The following TTF2 variants were observed in gnomAD, a reference collection of about 807,000 sequenced individuals.
TTF2 encodes transcription termination factor 2, also known as RNA polymerase II termination factor.
In TTF2, 108 loss-of-function variants were observed where a neutral mutation model predicts 142.4. That is an observed-to-expected ratio of 0.76 (90% CI 0.65 to 0.89). The LOEUF (loss-of-function observed/expected upper bound fraction) is 0.89. Among genes scored for constraint, TTF2 ranks in the 40% least tolerant of loss-of-function variants. TTF2 has a pLI of 0.00. For synonymous variants in TTF2, 483 were observed against 506.2 expected, an observed-to-expected ratio of 0.95 and a Z score of 0.61; for missense variants, 1,327 against 1,379.8, an observed-to-expected ratio of 0.96 and a Z score of 0.61.
chr1:117,071,417 G>A (rs1317642213), intron 3 of TTF2, among the ~76,000 whole-genome samples: 1 of 152,184 alleles, frequency 6.6e-6, no homozygotes, highest in Non-Finnish European at 1.5e-5. Context: ...GTATTCAGCA[G>A]TATGTATGTT....
rs180774192 is a variant in TTF2, at chr1:117,100,531, G to A, written c.3345-849G>A. On this transcript the variant is annotated intron_variant, in intron 22 of 22. Transcript: ENST00000369466. This position sits in a 1 kb window ranked among gnomAD's most constrained non-coding sequence, Gnocchi z 4.6. ...CTTAGCATGACATGCACCACCACCC[G>A]TGATCTGGCCCTACCAGCCTCTTGA... is the stretch of plus-strand genomic sequence containing the variant. Among the ~76,000 whole-genome samples, 6 of 152,228 alleles carry A rather than the reference G, an allele frequency of 3.9e-5. No individual in the cohort carries two copies. Among genetic ancestry groups the A allele is most frequent in the African/African-American group, 1.2e-4 (5 of 41,534 alleles).
chr1:117,080,380 C>T lies in TTF2; in HGVS notation c.1783+731C>T, dbSNP rs770751099. Among the ~76,000 whole-genome samples the T allele has an allele frequency of 1.3e-5, 2 of 152,228 alleles. No individual in the cohort carries two copies. The highest frequency in any genetic ancestry group is 2.9e-5 in the Non-Finnish European group (2 of 68,020). Reference sequence around the variant, plus strand: ...AAGTGCTAGAGGCAACCAGTGCCACCCCAAAGTCAGTTGTTTCTATAGCCA... The same window carrying T: ...AAGTGCTAGAGGCAACCAGTGCCACTCCAAAGTCAGTTGTTTCTATAGCCA... On this transcript the variant is annotated intron_variant, in intron 9 of 22. Coordinates refer to ENST00000369466, the MANE Select transcript of TTF2 (RefSeq NM_003594.4). This position sits in a 1 kb window ranked among gnomAD's most constrained non-coding sequence, Gnocchi z 4.3.
In TTF2 at chr1:117,093,319, A is replaced by G. The variant is rs1022854105; in HGVS notation, c.2976+418A>G. On this transcript the variant is annotated intron_variant, in intron 18 of 22. Coordinates refer to ENST00000369466, the MANE Select transcript of TTF2 (RefSeq NM_003594.4). This position sits in a 1 kb window ranked among gnomAD's most constrained non-coding sequence, Gnocchi z 4.5. Reference sequence around the variant, plus strand: ...TGCTCTGACTTTGAAAGGCTTCCACATGTGAGTAGTGTTTCCTACATAGCC... The same window carrying G: ...TGCTCTGACTTTGAAAGGCTTCCACGTGTGAGTAGTGTTTCCTACATAGCC... Among the ~76,000 whole-genome samples, 3 of 152,204 alleles carry G rather than the reference A, an allele frequency of 2.0e-5. No homozygotes were observed. Among genetic ancestry groups the G allele is most frequent in the South Asian group, 4.1e-4 (2 of 4,832 alleles).
chr1:117,075,596 G>A lies in TTF2; in HGVS notation c.1012G>A (p.Gly338Arg), dbSNP rs749852274. The stretch of plus-strand genomic sequence containing the variant: ...GGCTCAGGCTGCACCAGCAGCACCA[G>A]GGCTTTCCCTGGGTGAGGGCCGTGA... ...PAAQAAPAAP[G>R]LSLGEGREAA... Residue 338 changes from glycine (G) to arginine (R), a missense_variant, in exon 5 of 23, where the codon GGG (glycine) becomes AGG (arginine). Physicochemically the swap from Gly to Arg is moderately radical, Grantham distance 125. Transcript: ENST00000369466. This position sits in a 1 kb window ranked among gnomAD's most constrained non-coding sequence, Gnocchi z 4.5. 1 of 1,614,174 alleles carries A rather than the reference G, an allele frequency of 6.2e-7. No individual in the cohort carries two copies. The highest frequency in any genetic ancestry group is 1.1e-5 in the South Asian group (1 of 91,082).
chr1:117,071,650 CTTAT>C (rs908248266), intron 3 of TTF2, among the ~76,000 whole-genome samples: 12 of 151,920 alleles, frequency 7.9e-5, no homozygotes, highest in Admixed American at 3.3e-4. Flanking sequence ...TTTTAAAGCT[CTTAT>C]TTAATCAATT....
chr1:117,077,961 G>A lies in TTF2; in HGVS notation c.1619G>A (p.Ser540Asn). Residue 540 changes from serine (S) to asparagine (N), a missense_variant, in exon 8 of 23, where the codon AGT becomes AAT. By Grantham distance (46) the Ser-to-Asn change is conservative. Coordinates refer to ENST00000369466, the MANE Select transcript of TTF2 (RefSeq NM_003594.4). Reference protein sequence around the residue: ...DHVHAVWKITSEAIGQLHRSL... With the variant: ...DHVHAVWKITNEAIGQLHRSL... ...GTTCATGCAGTGTGGAAAATCACAA[G>A]TGAAGCCATCGGTCAACTGCATCGC... 2 of 1,614,182 alleles carry A rather than the reference G, an allele frequency of 1.2e-6. No individual in the cohort carries two copies. Among genetic ancestry groups the A allele is most frequent in the South Asian group, 1.1e-5 (1 of 91,070 alleles).
chr1:117,073,635 A>C lies in TTF2; in HGVS notation c.219-26A>C. On this transcript the variant is annotated intron_variant, in intron 3 of 22. Transcript: ENST00000369466. The surrounding 1 kb of genome is among the most constrained non-coding windows in gnomAD (Gnocchi z 4.4). ...GTTCTAATGGATTTTCATAGCCTTG[A>C]TTATTTGTGTTTTATACTTCATTAG... 6.3e-7 allele frequency: 1 copy of C among 1,584,712 alleles called. No individual in the cohort carries two copies. Among genetic ancestry groups the C allele is most frequent in the Non-Finnish European group, 8.6e-7 (1 of 1,158,150 alleles).
Position 117,061,245 on chromosome 1 carries a change from G to T in TTF2, c.131+688G>T, listed in dbSNP as rs144201707. 8.7e-3 allele frequency among the ~76,000 whole-genome samples: 1,317 copies of T among 151,492 alleles called. 14 individuals carry two copies. Among genetic ancestry groups the T allele is most frequent in the African/African-American group, 0.031 (1,257 of 41,098 alleles). On this transcript the variant is annotated intron_variant, in intron 2 of 22. Coordinates refer to ENST00000369466, the MANE Select transcript of TTF2 (RefSeq NM_003594.4). ...TCTCTACGAAAAATTAAAAAAAATT[G>T]TCTAGGCATGGTATCACACGCCTGT...
At position 117,080,018 on chromosome 1, in the gene TTF2, T is replaced by C. The variant is rs1471398107; in HGVS notation, c.1783+369T>C. ...GTCTATTGCCTCCCTCTTTTTTTTT[T>C]TTTTTTTTGAGATGGAGTTTCGCTC... On this transcript the variant is annotated intron_variant, in intron 9 of 22. Transcript: ENST00000369466. The surrounding 1 kb of genome is among the most constrained non-coding windows in gnomAD (Gnocchi z 4.3). Among the ~76,000 whole-genome samples the C allele has an allele frequency of 6.6e-6, 1 of 151,668 alleles. No homozygotes were observed. Among genetic ancestry groups the C allele is most frequent in the Non-Finnish European group, 1.5e-5 (1 of 67,852 alleles).
intron 8 of TTF2, among the ~76,000 whole-genome samples, chr1:117,078,964 G>C (rs1393450556): frequency 6.6e-6 from 1 of 152,216 alleles, no homozygotes; most frequent in African/African-American, 2.4e-5. Context: ...AGAGAGCTGG[G>C]CATAGTGGCT....
At chr1:117,077,123 C>A (rs531860713) in intron 7 of TTF2, among the ~76,000 whole-genome samples, 1 of 151,530 alleles carries the variant, frequency 6.6e-6, no homozygotes, top group Non-Finnish European at 1.5e-5. Flanking sequence ...AAAAAAAAAG[C>A]CAAAACATAG....
chr1:117,090,093 G>C lies in TTF2; in HGVS notation c.2381G>C (p.Trp794Ser). The C allele has an allele frequency of 1.9e-6, 3 of 1,614,068 alleles. No homozygotes were observed. Among genetic ancestry groups the C allele is most frequent in the Non-Finnish European group, 2.5e-6 (3 of 1,179,956 alleles). The change falls in exon 14 of 23, where the codon TGG becomes TCG. Residue 794 changes from tryptophan to serine, a missense_variant. Coordinates refer to ENST00000369466, the MANE Select transcript of TTF2 (RefSeq NM_003594.4). The surrounding 1 kb of genome is among the most constrained non-coding windows in gnomAD (Gnocchi z 4.8). ...RCSPFDEFNL[W>S]RSQVDNGSKK... ...TCTCCATTTGATGAGTTCAATCTGT[G>C]GAGGAGTCAGGTTGACAATGGCTCA...
rs1648481364 is a variant in TTF2 at position 117,090,593 on chromosome 1, CTG to C, written c.2560_2561del (p.Val854LeufsTer20). 1 of 1,613,932 alleles carries C rather than the reference CTG, an allele frequency of 6.2e-7. No individual in the cohort carries two copies. The highest frequency in any genetic ancestry group is 8.5e-7 in the Non-Finnish European group (1 of 1,179,966). ...TTAAAGCTTTCTGAAGATGAAGAGA[CTG>C]TTTACAATGTGTTTTTTGCAAGATC... On this transcript the variant is annotated frameshift_variant, in exon 15 of 23. Coordinates refer to ENST00000369466, the MANE Select transcript of TTF2 (RefSeq NM_003594.4). LOFTEE classifies it high-confidence loss of function. The surrounding 1 kb of genome is among the most constrained non-coding windows in gnomAD (Gnocchi z 4.8).
intron 15 of TTF2, 89 bp from the exon 16 acceptor site, chr1:117,091,239 A>T: frequency 9.5e-7 from 1 of 1,057,190 alleles, no homozygotes; most frequent in Non-Finnish European, 1.3e-6. Flanking sequence ...CAAGTCTTCT[A>T]TAATTTGTCA....
intron 20 of TTF2, 61 bp downstream of exon 20, chr1:117,096,360 C>G: frequency 6.4e-7 from 1 of 1,565,748 alleles, no homozygotes; most frequent in Non-Finnish European, 8.7e-7. Flanking sequence ...AAAGAGAATT[C>G]TTTTTGTTTG....
Position 117,101,593 on chromosome 1 carries a change from A to G in TTF2, c.*69A>G. ...TATTAGGATCTGGGAATAACAACCT[A>G]ACCATGAGCCTTGAACTCTGTTCTT... On this transcript the variant is annotated 3_prime_UTR_variant, in exon 23 of 23. Transcript: ENST00000369466. This position sits in a 1 kb window ranked among gnomAD's most constrained non-coding sequence, Gnocchi z 5.9. 1 of 1,437,184 alleles carries G rather than the reference A, an allele frequency of 7.0e-7. No homozygotes were observed. The highest frequency in any genetic ancestry group is 1.6e-5 in the South Asian group (1 of 61,972). 89.0% of individuals were successfully genotyped at this position (1,437,184 alleles called of 1,614,324 possible).
At chr1:117,062,112 G>T (rs778298115) in intron 2 of TTF2, among the ~76,000 whole-genome samples, 4 of 152,136 alleles carry the variant, frequency 2.6e-5, no homozygotes, top group Non-Finnish European at 5.9e-5. Context: ...TTCGTAGGGG[G>T]ATCCCAGTGT....
rs529281125 is a variant in TTF2 at position 117,105,710 on chromosome 1, G to A, written c.*4186G>A. 34 of 152,146 alleles carry A rather than the reference G, an allele frequency of 2.2e-4. No individual in the cohort carries two copies. The highest frequency in any genetic ancestry group is 7.9e-4 in the African/African-American group (33 of 41,518). The allele number at this position is 152,146 out of a possible 1,614,324, so 9.4% of individuals were successfully genotyped here. On this transcript the variant is annotated 3_prime_UTR_variant, in exon 23 of 23. Transcript: ENST00000369466. This position sits in a 1 kb window ranked among gnomAD's most constrained non-coding sequence, Gnocchi z 4.7. ...CCAGCCTGGGCCACAGAGAAAGAAC[G>A]GTGATTCTTTCTAGCAGAAATTAGC...
intron 2 of TTF2, 42 bp downstream of exon 2, chr1:117,060,599 G>T (rs1206988310): frequency 1.3e-6 from 2 of 1,549,350 alleles, no homozygotes; most frequent in African/African-American, 2.7e-5. Flanking sequence ...GCTGCCCGGG[G>T]CCTCCCGAGA....
Sources: allele counts gnomAD v4.1 joint callset (sites outside exome capture counted in the v4.1 genomes callset), GRCh38; gene constraint gnomAD v4.1.1; non-coding constraint Gnocchi (gnomAD v3.1); transcripts MANE v1.5; gene names NCBI Gene and HGNC (gene_info 2026-07-23, HGNC 2026-07-21).